The following CLIP1 variants were observed in gnomAD, a reference collection of about 807,000 sequenced individuals.
The protein encoded by CLIP1 is CAP-Gly domain containing linker protein 1.
Under a neutral mutation model 161.6 loss-of-function variants are expected in CLIP1, and 66 were observed. The ratio of observed to expected loss-of-function variants is 0.41; its 90% CI spans 0.33 to 0.50. The LOEUF (loss-of-function observed/expected upper bound fraction) is 0.50. Among genes scored for constraint, CLIP1 ranks in the 20% least tolerant of loss-of-function variants. CLIP1 has a pLI of 0.27. For missense variants in CLIP1, 1,376 were observed against 1,702.0 expected, an observed-to-expected ratio of 0.81 and a Z score of 3.37; for synonymous variants, 598 against 626.2, an observed-to-expected ratio of 0.96 and a Z score of 0.67.
At chr12:122,370,016 A>T (rs1161922995) in intron 3 of CLIP1, among the ~76,000 whole-genome samples, 1 of 152,038 alleles carries the variant, frequency 6.6e-6, no homozygotes, top group Non-Finnish European at 1.5e-5. Flanking sequence ...TACAAAAATT[A>T]GCCAGCTGTG....
chr12:122,422,055 C>T (rs1173456050), intron 1 of CLIP1, among the ~76,000 whole-genome samples: 1 of 152,176 alleles, frequency 6.6e-6, no homozygotes, highest in African/African-American at 2.4e-5. Flanking sequence ...GGGCGCCGGG[C>T]ACCCGGGGCC....
chr12:122,362,891 T>C lies in CLIP1; in HGVS notation c.782+1092A>G, dbSNP rs192123379. On this transcript the variant is annotated intron_variant, in intron 4 of 25. Transcript: ENST00000620786. ...ACTCTAAAGGATTACAGTGTTTTAATATGAAGAAAAGATGGCTTCATAATC... is the reference window on the plus strand; with the variant it reads ...ACTCTAAAGGATTACAGTGTTTTAACATGAAGAAAAGATGGCTTCATAATC... Among the ~76,000 whole-genome samples the C allele has an allele frequency of 2.1e-3, 327 of 152,170 alleles. 2 individuals carry two copies. The highest frequency in any genetic ancestry group is 7.7e-3 in the African/African-American group (320 of 41,540).
At chr12:122,405,678 C>T (rs1956304789) in intron 1 of CLIP1, among the ~76,000 whole-genome samples, 1 of 151,456 alleles carries the variant, frequency 6.6e-6, no homozygotes, top group East Asian at 1.9e-4. Flanking sequence ...ATCCCAGCTA[C>T]TCGGGAGGCT....
chr12:122,402,006 A>T lies in CLIP1; in HGVS notation c.-107+20515T>A, dbSNP rs557518554. ...GAGCAAAACTCCCGCTCAAAAAAAA[A>T]AAAAGTGTGAGTCTCAAATTAGATA... On this transcript the variant is annotated intron_variant, in intron 1 of 25. Coordinates refer to ENST00000620786, the MANE Select transcript of CLIP1 (RefSeq NM_001247997.2). Among the ~76,000 whole-genome samples the T allele has an allele frequency of 1.8e-3, 276 of 152,128 alleles. 1 individual carries two copies. Among genetic ancestry groups the T allele is most frequent in the Non-Finnish European group, 3.0e-3 (203 of 67,976 alleles).
rs113784516 is a variant in CLIP1 at position 122,377,495 on chromosome 12, G to A, written c.551C>T (p.Pro184Leu). The change falls in exon 3 of 26, where the codon CCG becomes CTG. Residue 184 changes from proline (P) to leucine (L), a missense_variant. This residue lies in a region of CLIP1 where 119 missense variants were observed against 112.0 expected (regional missense o/e 1.06). Transcript: ENST00000620786. Reference sequence around the variant, plus strand: ...GGCAGTTTTTGTAAGGTTGCTGATCGGAGGCGTAGCTGAAGGTTCCTTTGC... The same window carrying A: ...GGCAGTTTTTGTAAGGTTGCTGATCAGAGGCGTAGCTGAAGGTTCCTTTGC... ...PAAKEPSATP[P>L]ISNLTKTASE... The A allele has an allele frequency of 1.9e-5, 30 of 1,614,082 alleles. 1 individual carries two copies. The highest frequency in any genetic ancestry group is 9.9e-5 in the South Asian group (9 of 91,086).
At chr12:122,346,654 C>T (rs1465693428) in intron 10 of CLIP1, among the ~76,000 whole-genome samples, 3 of 152,160 alleles carry the variant, frequency 2.0e-5, no homozygotes, top group African/African-American at 7.2e-5. Context: ...AGGCATGCGC[C>T]ACCAGGCCCA....
intron 1 of CLIP1, among the ~76,000 whole-genome samples, chr12:122,404,916 A>C (rs770057930): frequency 0.014 from 2,092 of 147,100 alleles, 32 homozygotes; most frequent in African/African-American, 0.021. Context: ...AAAAAACAAA[A>C]CAAAAAAAAA....
intron 1 of CLIP1, among the ~76,000 whole-genome samples, chr12:122,405,429 A>G (rs1410190186): frequency 6.6e-6 from 1 of 152,214 alleles, no homozygotes; most frequent in African/African-American, 2.4e-5. Flanking sequence ...TGCTTCATAC[A>G]CGATATATTA....
intron 20 of CLIP1, among the ~76,000 whole-genome samples, chr12:122,299,133 C>G (rs115091306): frequency 4.5e-4 from 68 of 152,244 alleles, no homozygotes; most frequent in African/African-American, 1.4e-3. Flanking sequence ...CTGCTTGTAT[C>G]TTTAGTGCAG....
chr12:122,291,203 T>G (rs991866536), intron 20 of CLIP1, among the ~76,000 whole-genome samples: 1 of 150,840 alleles, frequency 6.6e-6, no homozygotes, highest in African/African-American at 2.4e-5. Context: ...CTTTTCTTTT[T>G]TTTTGAGACA....
chr12:122,293,808 TTTTTG>T (rs1418834237), intron 20 of CLIP1, among the ~76,000 whole-genome samples: 8 of 107,924 alleles, frequency 7.4e-5, no homozygotes, highest in African/African-American at 4.2e-4. Context: ...TGTTTTTTGT[TTTTTG>T]TTTTTTTTTG....
chr12:122,302,069 T>A (rs751906789), intron 20 of CLIP1, among the ~76,000 whole-genome samples: 33 of 152,064 alleles, frequency 2.2e-4, no homozygotes, highest in Non-Finnish European at 3.5e-4. Context: ...GAAATTTGAT[T>A]TTTCCGCCTG....
chr12:122,286,720 C>T (rs950981502), intron 21 of CLIP1, among the ~76,000 whole-genome samples: 3 of 151,648 alleles, frequency 2.0e-5, no homozygotes, highest in Non-Finnish European at 4.4e-5. Flanking sequence ...TTTTTAAAGC[C>T]GGGTGCGGTG....
intron 15 of CLIP1, among the ~76,000 whole-genome samples, chr12:122,332,430 A>T (rs7953007): frequency 1.3e-5 from 2 of 151,496 alleles, no homozygotes. Flanking sequence ...CTTTTTTCTT[A>T]TTTCTTTTTA....
At chr12:122,384,447 C>A (rs1267917503) in intron 1 of CLIP1, among the ~76,000 whole-genome samples, 1 of 152,090 alleles carries the variant, frequency 6.6e-6, no homozygotes, top group South Asian at 2.1e-4. Context: ...GTTAAGTGAC[C>A]TTTCCAAGGT....
chr12:122,351,651 A>G (rs1019434997), intron 8 of CLIP1, among the ~76,000 whole-genome samples: 2 of 152,222 alleles, frequency 1.3e-5, no homozygotes, highest in Admixed American at 6.5e-5. Flanking sequence ...GCAAAACTGC[A>G]TATTTGGGAA....
intron 1 of CLIP1, among the ~76,000 whole-genome samples, chr12:122,388,296 T>C (rs1955416310): frequency 6.6e-6 from 1 of 151,848 alleles, no homozygotes. Context: ...CTCGGCTCAC[T>C]GCAAGCTCCG....
At position 122,274,148 on chromosome 12, in the gene CLIP1, A is replaced by G. The variant is rs746050525; in HGVS notation, c.3981T>C (p.Asn1327=). Residue 1327 remains asparagine, a synonymous_variant, in exon 25 of 26, where the codon AAT becomes AAC. Coordinates refer to ENST00000620786, the MANE Select transcript of CLIP1 (RefSeq NM_001247997.2). ...RAQESQIDFL[N]SVIVDLQRKN... is the part of the protein sequence containing the mutation. The stretch of plus-strand genomic sequence containing the variant: ...TCCTTTGAAGGTCCACTATTACTGA[A>G]TTTAGGAAATCAATCTGATTTGTTA... 3.8e-6 allele frequency: 6 copies of G among 1,597,606 alleles called. No homozygotes were observed. The highest frequency in any genetic ancestry group is 5.1e-6 in the Non-Finnish European group (6 of 1,165,198).
chr12:122,389,528 G>A (rs1955490070), intron 1 of CLIP1, among the ~76,000 whole-genome samples: 1 of 152,122 alleles, frequency 6.6e-6, no homozygotes, highest in Non-Finnish European at 1.5e-5. Context: ...GGAGGCCAAA[G>A]CCGGCGGATC....
Sources: gnomAD v4.1 joint callset for allele counts (sites outside exome capture counted in the v4.1 genomes callset) on GRCh38, gnomAD v4.1.1 for gene constraint, gnomAD v4.1.1 regional missense constraint, MANE v1.5 for transcripts, NCBI Gene and HGNC (gene_info 2026-07-23, HGNC 2026-07-21) for gene names.